Variants in FAM149B1 observed in about 807,000 individuals in gnomAD.
FAM149B1 encodes family with sequence similarity 149 member B1.
In FAM149B1, 56 loss-of-function variants were observed where a neutral mutation model predicts 75.3. The observed-to-expected ratio is 0.74, with a 90% CI of 0.60 to 0.93. FAM149B1 has a LOEUF of 0.93. FAM149B1 is among the 40% of genes least tolerant of loss of function. FAM149B1 has a pLI of 0.00. For missense variants in FAM149B1, 639 were observed against 708.4 expected (o/e 0.90, Z 1.11); for synonymous variants, 259 against 256.1 (o/e 1.01, Z -0.11).
At position 73,232,934 on chromosome 10, in the gene FAM149B1, A is replaced by C. The variant is rs1024912862; in HGVS notation, c.1128-5A>C. 4 of 1,516,216 alleles carry C rather than the reference A, an allele frequency of 2.6e-6. No individual in the cohort carries two copies. The highest frequency in any genetic ancestry group is 1.7e-4 in the Middle Eastern group (1 of 5,934). The allele number at this position is 1,516,216 out of a possible 1,614,324, so 93.9% of individuals were successfully genotyped here. Reference sequence around the variant, plus strand: ...TTCATTGTGGGTTTCTGATTTGGCTACTAGAGATCTTGATGACAAGCTACT... The same window carrying C: ...TTCATTGTGGGTTTCTGATTTGGCTCCTAGAGATCTTGATGACAAGCTACT... On this transcript the variant is annotated splice_region_variant and splice_polypyrimidine_tract_variant and intron_variant, in intron 9 of 13. Coordinates refer to ENST00000242505, the MANE Select transcript of FAM149B1 (RefSeq NM_173348.2).
At chr10:73,194,816 T>C (rs548176784) in intron 5 of FAM149B1, among the ~76,000 whole-genome samples, 1 of 152,130 alleles carries the variant, frequency 6.6e-6, no homozygotes, top group East Asian at 1.9e-4. Context: ...CCTGATTAGC[T>C]GGGATTACAG....
chr10:73,180,415 T>C (rs190218813), intron 3 of FAM149B1, among the ~76,000 whole-genome samples: 45 of 152,330 alleles, frequency 3.0e-4, no homozygotes, highest in Middle Eastern at 3.4e-3. Flanking sequence ...ATTAGGGCCC[T>C]GCAGGCCAAA....
rs2043594244 is a variant in FAM149B1, at chr10:73,227,994, T to C, written c.899-66T>C. The stretch of plus-strand genomic sequence containing the variant: ...TATGAATTCTCAGGAGAGATCTTTT[T>C]TCACAATACTGTTGCTGTGGGCCAG... On this transcript the variant is annotated intron_variant, in intron 7 of 13. Transcript: ENST00000242505. 2.7e-6 allele frequency: 4 copies of C among 1,475,374 alleles called. No individual in the cohort carries two copies. The African/African-American group carries it at 4.2e-5, about 15-fold the overall frequency. The allele number at this position is 1,475,374 out of a possible 1,614,324, so 91.4% of individuals were successfully genotyped here.
At chr10:73,197,587 T>TAGTGAAA (rs2042836413) in intron 5 of FAM149B1, among the ~76,000 whole-genome samples, 2 of 151,490 alleles carry the variant, frequency 1.3e-5, no homozygotes, top group Admixed American at 1.3e-4. Context: ...CTGGCCAACA[T>TAGTGAAA]AGTGAAACCC....
At chr10:73,207,746 C>T (rs1158429049) in intron 5 of FAM149B1, among the ~76,000 whole-genome samples, 1 of 152,126 alleles carries the variant, frequency 6.6e-6, no homozygotes, top group African/African-American at 2.4e-5. Flanking sequence ...TAATGACTCC[C>T]CTACTGGGTT....
At chr10:73,213,166 C>T (rs1417032707) in intron 7 of FAM149B1, among the ~76,000 whole-genome samples, 1 of 152,112 alleles carries the variant, frequency 6.6e-6, no homozygotes, top group East Asian at 1.9e-4. Context: ...TCTTTTTCCC[C>T]TTTTAAATAG....
chr10:73,201,548 G>A (rs2042939073), intron 5 of FAM149B1, among the ~76,000 whole-genome samples: 1 of 152,118 alleles, frequency 6.6e-6, no homozygotes, highest in Admixed American at 6.6e-5. Flanking sequence ...TAATGTATCT[G>A]GGGACTAAAA....
chr10:73,197,489 G>T (rs2042832756), intron 5 of FAM149B1, among the ~76,000 whole-genome samples: 1 of 152,198 alleles, frequency 6.6e-6, no homozygotes, highest in Admixed American at 6.5e-5. Context: ...AGAAATTCCA[G>T]CCAGGCACGG....
At chr10:73,184,638 A>G (rs1278767424) in intron 3 of FAM149B1, among the ~76,000 whole-genome samples, 1 of 152,236 alleles carries the variant, frequency 6.6e-6, no homozygotes, top group East Asian at 1.9e-4. Flanking sequence ...GATATCCTCA[A>G]ATATTTGGCA....
At chr10:73,230,554 CA>C in intron 9 of FAM149B1, 29 bp downstream of exon 9, 1 of 1,254,922 alleles carries the variant, frequency 8.0e-7, no homozygotes, top group South Asian at 1.3e-5. Flanking sequence ...TCAGACTATA[CA>C]GTGTAAAAGG....
In FAM149B1 at chr10:73,176,068, G is replaced by A. The variant is rs556033335; in HGVS notation, c.152+1277G>A. Among the ~76,000 whole-genome samples, 147 of 152,176 alleles carry A rather than the reference G, an allele frequency of 9.7e-4. 1 individual carries two copies. The Middle Eastern group carries it at 0.017, about 18-fold the overall frequency. On this transcript the variant is annotated intron_variant, in intron 2 of 13. Coordinates refer to ENST00000242505, the MANE Select transcript of FAM149B1 (RefSeq NM_173348.2). ...AAATAATTATACAACTCACCATAAT[G>A]TAGAATCAGTGGGAGCCTTGAGCTT...
chr10:73,236,016 G>C (rs747889045), intron 12 of FAM149B1, among the ~76,000 whole-genome samples: 3 of 152,180 alleles, frequency 2.0e-5, no homozygotes, highest in Non-Finnish European at 4.4e-5. Flanking sequence ...AGCACTTGGA[G>C]AGCCTGGGGA....
At position 73,241,571 on chromosome 10, in the gene FAM149B1, A is replaced by G. The variant is rs929426122; in HGVS notation, c.*552A>G. 3.9e-5 allele frequency: 6 copies of G among 155,516 alleles called. No homozygotes were observed. Among genetic ancestry groups the G allele is most frequent in the African/African-American group, 1.4e-4 (6 of 41,480 alleles). The allele number at this position is 155,516 out of a possible 1,614,324, so 9.6% of individuals were successfully genotyped here. A position where few individuals can be genotyped will look rare whatever the true frequency, so the allele number is the denominator to read the frequency against. ...ATGGAAGGGGTGTGTAACTAAAAAC[A>G]TAAATGTTAAGCATTAGTATAAAGT... On this transcript the variant is annotated 3_prime_UTR_variant, in exon 14 of 14. Coordinates refer to ENST00000242505, the MANE Select transcript of FAM149B1 (RefSeq NM_173348.2).
chr10:73,193,713 C>T (rs2042732296), intron 5 of FAM149B1, 120 bp downstream of exon 5: 2 of 972,396 alleles, frequency 2.1e-6, no homozygotes, highest in East Asian at 5.5e-5. Flanking sequence ...TAAAGCATAG[C>T]AAATTCTGTA....
Position 73,234,873 on chromosome 10 carries a change from A to G in FAM149B1, c.1409A>G (p.Asn470Ser), listed in dbSNP as rs753061386. The G allele has an allele frequency of 6.4e-7, 1 of 1,551,810 alleles. No homozygotes were observed. ...SPSPTPLSRN[N>S]LLPPIGTAEV... The stretch of plus-strand genomic sequence containing the variant: ...TCACCGACGCCCCTGAGTCGAAATA[A>G]TCTGCTACCACCTATTGGCACAGCT... The change falls in exon 11 of 14, where the codon AAT becomes AGT. Residue 470 changes from asparagine to serine, a missense_variant. Coordinates refer to ENST00000242505, the MANE Select transcript of FAM149B1 (RefSeq NM_173348.2).
chr10:73,197,642 C>T (rs941746732), intron 5 of FAM149B1, among the ~76,000 whole-genome samples: 4 of 151,890 alleles, frequency 2.6e-5, no homozygotes, highest in African/African-American at 7.3e-5. Context: ...TGGTGGCGCA[C>T]GCCTGTAATC....
At chr10:73,239,237 TC>T in intron 12 of FAM149B1, 74 bp from the exon 13 acceptor site, 1 of 1,270,814 alleles carries the variant, frequency 7.9e-7, no homozygotes. Flanking sequence ...TTCAAGGTGT[TC>T]CTGTGAACCT....
At chr10:73,189,155 A>G (rs576135620) in intron 3 of FAM149B1, among the ~76,000 whole-genome samples, 3 of 152,316 alleles carry the variant, frequency 2.0e-5, no homozygotes, top group African/African-American at 7.2e-5. Flanking sequence ...CCATATGATG[A>G]ATTATAGAGA....
rs2043598353 is a variant in FAM149B1 at position 73,228,115 on chromosome 10, G to A, written c.954G>A (p.Leu318=). The stretch of plus-strand genomic sequence containing the variant: ...CCGATTCAGAAAGTTCCTGTGTGCT[G>A]AGTGAACTACATCCTTTGGTGTTAC... ...TRPDSESSCV[L]SELHPLVLPR... The change falls in exon 8 of 14, where the codon CTG becomes CTA. Residue 318 remains leucine (L), a synonymous_variant. Transcript: ENST00000242505. 5 of 1,551,194 alleles carry A rather than the reference G, an allele frequency of 3.2e-6. No individual in the cohort carries two copies. The highest frequency in any genetic ancestry group is 4.4e-6 in the Non-Finnish European group (5 of 1,146,614).
Sources: gnomAD v4.1 joint callset for allele counts (sites outside exome capture counted in the v4.1 genomes callset) on GRCh38, gnomAD v4.1.1 for gene constraint, MANE v1.5 for transcripts, NCBI Gene and HGNC (gene_info 2026-07-23, HGNC 2026-07-21) for gene names.